ANO1: variants seen among roughly 807,000 people sequenced by gnomAD.
The protein encoded by ANO1 is anoctamin 1.
Under a neutral mutation model 124.0 loss-of-function variants are expected in ANO1, and 59 were observed. The observed-to-expected ratio is 0.48, with a 90% CI of 0.39 to 0.59. The LOEUF (loss-of-function observed/expected upper bound fraction) is 0.59. Ranked by LOEUF, ANO1 falls within the 20% of genes least tolerant of loss-of-function variation. ANO1 has a pLI of 0.00. For synonymous variants in ANO1, 529 were observed against 532.0 expected (o/e 0.99, Z 0.08); for missense variants, 1,059 against 1,328.0 (o/e 0.80, Z 3.15).
chr11:70,076,371 T>A (rs906903668), upstream of ANO1, among the ~76,000 whole-genome samples: 1 of 151,468 alleles, frequency 6.6e-6, no homozygotes, highest in Admixed American at 6.6e-5. Flanking sequence ...AGGCCAGAAA[T>A]GTCACTTCCC....
At chr11:70,046,728 T>A (rs1174140662) in intron 1 of ANO1, among the ~76,000 whole-genome samples, 1 of 151,936 alleles carries the variant, frequency 6.6e-6, no homozygotes, top group African/African-American at 2.4e-5. Flanking sequence ...CCAAAAATGA[T>A]GCAATTTGGG....
intron 1 of ANO1, among the ~76,000 whole-genome samples, chr11:70,083,170 G>A (rs759427521): frequency 1.6e-4 from 25 of 152,206 alleles, no homozygotes; most frequent in East Asian, 1.5e-3. Context: ...CTTTATGTGC[G>A]TGTGTCTCAG....
chr11:70,078,789 G>C (rs1040467466), intron 1 of ANO1, 75 bp downstream of exon 1: 4 of 1,016,352 alleles, frequency 3.9e-6, no homozygotes, highest in Non-Finnish European at 2.5e-6. Context: ...ACCGGGCGGC[G>C]GCAGGGCCTC....
At chr11:70,074,938 CCGCCAGGCGCTGGGCCTCTTGGTCCT>C (rs2044040272), upstream of ANO1, 1 of 152,332 alleles carries the variant, frequency 6.6e-6, no homozygotes, top group Non-Finnish European at 1.5e-5. Context: ...GGACTCACCA[CCGCCAGGCGCTGGGCCTCTTGGTCCT>C]CGCCTACCAT....
At chr11:70,150,357 G>A (rs2047556022) in intron 12 of ANO1, among the ~76,000 whole-genome samples, 1 of 152,216 alleles carries the variant, frequency 6.6e-6, no homozygotes, top group Non-Finnish European at 1.5e-5. Flanking sequence ...CGTAGCCCCT[G>A]GGATGCCAGG....
intron 6 of ANO1, among the ~76,000 whole-genome samples, chr11:70,111,441 C>T (rs905074708): frequency 1.3e-5 from 2 of 152,162 alleles, no homozygotes; most frequent in Non-Finnish European, 2.9e-5. Context: ...GAGACAGAGC[C>T]GCCTCTTGGG....
At chr11:70,057,890 T>C (rs1207014603) in intron 1 of ANO1, among the ~76,000 whole-genome samples, 3 of 152,002 alleles carry the variant, frequency 2.0e-5, no homozygotes, top group Admixed American at 1.3e-4. Flanking sequence ...AACAAAATAG[T>C]GGAAAAACAA....
chr11:70,185,552 C>A, intron 24 of ANO1, 38 bp from the exon 25 acceptor site: 1 of 1,586,134 alleles, frequency 6.3e-7, no homozygotes, highest in South Asian at 1.1e-5. Flanking sequence ...TGAGCCCCAC[C>A]GAAGTCCCAC....
the ANO1 span, among the ~76,000 whole-genome samples, chr11:69,976,535 AAAAAAAAAAAAAAAAAAAAGAG>A: frequency 1.0e-2 from 352 of 35,256 alleles, 51 homozygotes; most frequent in East Asian, 0.2. Context: ...AAAAAAAAAA[AAAAAAAAAAAAAAAAAAAAGAG>A]AGAGAGAGAG....
At chr11:69,967,259 G>A in the ANO1 span, among the ~76,000 whole-genome samples, 13 of 151,310 alleles carry the variant, frequency 8.6e-5, no homozygotes, top group East Asian at 2.0e-4. Context: ...GGTTCCGAGC[G>A]CCTGTATTGC....
At chr11:70,146,346 T>C (rs2047376762) in intron 11 of ANO1, among the ~76,000 whole-genome samples, 1 of 152,104 alleles carries the variant, frequency 6.6e-6, no homozygotes, top group Non-Finnish European at 1.5e-5. Flanking sequence ...GATTGACTGA[T>C]ATGTGTAAAA....
At chr11:70,066,750 C>T (rs950946344) in intron 1 of ANO1, among the ~76,000 whole-genome samples, 2 of 152,130 alleles carry the variant, frequency 1.3e-5, no homozygotes, top group African/African-American at 2.4e-5. Context: ...AGCTCCATCA[C>T]CGTAACTCCA....
At chr11:69,980,080 C>T in the ANO1 span, among the ~76,000 whole-genome samples, 2 of 152,060 alleles carry the variant, frequency 1.3e-5, no homozygotes, top group Admixed American at 1.3e-4. Context: ...AAATAAAGTT[C>T]GATAAGCCCT....
rs115533839 is a variant in ANO1 at position 70,165,086 on chromosome 11, G to A, written c.1951-384G>A. Among the ~76,000 whole-genome samples the A allele has an allele frequency of 7.2e-3, 1,099 of 152,234 alleles. 12 individuals carry two copies. The highest frequency in any genetic ancestry group is 0.026 in the African/African-American group (1,062 of 41,532). On this transcript the variant is annotated intron_variant, in intron 19 of 25. Transcript: ENST00000355303. ...GGCTGTGTTCCCTTCAAGGGTTCTA[G>A]GGGAGGACCTGCCTTGCCTCTCCCA...
chr11:70,150,616 C>A (rs112271594), intron 12 of ANO1, among the ~76,000 whole-genome samples: 20 of 152,292 alleles, frequency 1.3e-4, no homozygotes, highest in African/African-American at 4.8e-4. Context: ...CTCACTGCAG[C>A]CTTGACCTCC....
chr11:69,999,600 C>T (rs75743032), intron 1 of ANO1, among the ~76,000 whole-genome samples: 16 of 152,294 alleles, frequency 1.1e-4, no homozygotes, highest in Non-Finnish European at 1.0e-4. Flanking sequence ...GTTGGCTTTA[C>T]GCACCATCTG....
At chr11:70,048,838 G>T (rs369705634) in intron 1 of ANO1, among the ~76,000 whole-genome samples, 2 of 151,842 alleles carry the variant, frequency 1.3e-5, no homozygotes, top group African/African-American at 2.4e-5. Flanking sequence ...TATATCCCTT[G>T]GGGGGGCCTA....
intron 1 of ANO1, among the ~76,000 whole-genome samples, chr11:69,993,145 C>G (rs2131243): frequency 0.24 from 36,751 of 152,152 alleles, 4,499 homozygotes; most frequent in Non-Finnish European, 0.25. Context: ...GCCAGCCACC[C>G]CCTCCTGAGA....
rs117093950 is a variant in ANO1, at chr11:70,045,910, G to A, written c.59-32632G>A. Among the ~76,000 whole-genome samples, 146 of 152,316 alleles carry A rather than the reference G, an allele frequency of 9.6e-4. 5 individuals carry two copies. In the East Asian group the frequency reaches 0.026, roughly 27 times the overall value. On this transcript the variant is annotated intron_variant, in intron 1 of 27. Transcript: ENST00000531349. ...CTGGACTTTAGAGAACAAGGAATGT[G>A]CCTCACCCCTCCATCCAGTCTTTTC... is the stretch of plus-strand genomic sequence containing the variant.
Sources: gnomAD v4.1 joint callset for allele counts (sites outside exome capture counted in the v4.1 genomes callset) on GRCh38, gnomAD v4.1.1 for gene constraint, MANE v1.5 for transcripts, NCBI Gene and HGNC (gene_info 2026-07-23, HGNC 2026-07-21) for gene names.